The following MELK variants were observed in gnomAD, a reference collection of about 807,000 sequenced individuals.
MELK encodes pEg3 kinase.
A neutral mutation model predicts 85.0 loss-of-function variants in MELK; 81 were observed. The observed-to-expected ratio is 0.95, with a 90% confidence interval of 0.80 to 1.15. The LOEUF (loss-of-function observed/expected upper bound fraction) is 1.15. Among genes scored for constraint, MELK ranks in the 50% most tolerant of loss-of-function variants. MELK has a pLI of 0.00. For synonymous variants in MELK, 252 were observed against 265.0 expected, an observed-to-expected ratio of 0.95 and a Z score of 0.48; for missense variants, 754 against 777.5, an observed-to-expected ratio of 0.97 and a Z score of 0.36.
At chr9:36,658,917 T>C (rs1252766749) in intron 13 of MELK, among the ~76,000 whole-genome samples, 1 of 147,990 alleles carries the variant, frequency 6.8e-6, no homozygotes, top group Non-Finnish European at 1.5e-5. Context: ...AGTCTCGCTC[T>C]GTCACCCAGG....
intron 5 of MELK, 115 bp from the exon 6 acceptor site, chr9:36,597,107 G>A: frequency 1.3e-6 from 1 of 780,460 alleles, no homozygotes; most frequent in Admixed American, 2.5e-5. Context: ...AGAGTGCTGG[G>A]ATTACAGGCA....
intron 13 of MELK, among the ~76,000 whole-genome samples, chr9:36,663,604 C>A (rs1170441788): frequency 2.6e-5 from 4 of 152,172 alleles, no homozygotes; most frequent in African/African-American, 7.2e-5. Flanking sequence ...TTTTTTAGCA[C>A]CCACTTATGA....
At chr9:36,606,817 CTG>C (rs1825609083) in intron 7 of MELK, 1 of 150,684 alleles carries the variant, frequency 6.6e-6, no homozygotes, top group Non-Finnish European at 1.5e-5. Context: ...TGGAGTTTCA[CTG>C]TGTCGCCCAG....
chr9:36,606,305 A>ATACATATGTATAGGTGTGTATATAATATG (rs1825478513), intron 7 of MELK, among the ~76,000 whole-genome samples: 1 of 147,422 alleles, frequency 6.8e-6, no homozygotes, highest in Non-Finnish European at 1.5e-5. Context: ...TATATAATAT[A>ATACATATGTATAGGTGTGTATATAATATG]TACATATGTA....
intron 6 of MELK, 99 bp downstream of exon 6, chr9:36,597,389 G>A: frequency 9.1e-7 from 1 of 1,104,810 alleles, no homozygotes. Flanking sequence ...TATTGAGCTT[G>A]GTTGCATCCA....
chr9:36,591,947 T>TAG (rs1442331583), intron 4 of MELK, among the ~76,000 whole-genome samples: 2 of 150,994 alleles, frequency 1.3e-5, no homozygotes, highest in Non-Finnish European at 3.0e-5. Flanking sequence ...GTACAGGGAG[T>TAG]ATATATTAAA....
chr9:36,643,920 T>TGA (rs557775863), intron 11 of MELK, among the ~76,000 whole-genome samples: 183 of 136,708 alleles, frequency 1.3e-3, no homozygotes, highest in African/African-American at 4.7e-3. Context: ...GGCGACAGAG[T>TGA]GAGACTCCAT....
At chr9:36,640,923 T>A (rs746216095) in intron 10 of MELK, among the ~76,000 whole-genome samples, 4 of 152,242 alleles carry the variant, frequency 2.6e-5, no homozygotes, top group Non-Finnish European at 5.9e-5. Flanking sequence ...GATGGCAGCC[T>A]TTCTCTTGAG....
chr9:36,661,688 G>C (rs1831832168), intron 13 of MELK, among the ~76,000 whole-genome samples: 1 of 152,122 alleles, frequency 6.6e-6, no homozygotes, highest in South Asian at 2.1e-4. Context: ...TGTAATCCCA[G>C]CACTTTGGGA....
chr9:36,583,874 G>C (rs906994953), intron 3 of MELK, among the ~76,000 whole-genome samples, 162 bp downstream of exon 3: 2 of 152,170 alleles, frequency 1.3e-5, no homozygotes, highest in Admixed American at 6.5e-5. Context: ...TGGGGGAAGG[G>C]ATTACTTTGT....
intron 8 of MELK, among the ~76,000 whole-genome samples, chr9:36,629,599 T>C (rs1828315058): frequency 6.6e-6 from 1 of 152,236 alleles, no homozygotes; most frequent in Admixed American, 6.5e-5. Context: ...TATGCTTTTC[T>C]GCTGCTTCAT....
At chr9:36,600,418 CTG>C (rs1180455068) in intron 7 of MELK, among the ~76,000 whole-genome samples, 5 of 152,230 alleles carry the variant, frequency 3.3e-5, no homozygotes, top group Admixed American at 6.5e-5. Context: ...GAGTCTCACT[CTG>C]TTGCCCAGGC....
intron 8 of MELK, among the ~76,000 whole-genome samples, chr9:36,612,331 A>C (rs1826139940): frequency 6.6e-6 from 1 of 151,916 alleles, no homozygotes; most frequent in Non-Finnish European, 1.5e-5. Context: ...CCTGACCTCA[A>C]GTGATCCACC....
At chr9:36,643,151 G>A (rs1478637927) in intron 11 of MELK, 68 bp downstream of exon 11, 1 of 1,314,662 alleles carries the variant, frequency 7.6e-7, no homozygotes, top group African/African-American at 1.5e-5. Flanking sequence ...GGGAGGCCGA[G>A]GTGGGAGGAT....
chr9:36,578,723 T>A (rs1378351947), intron 1 of MELK, among the ~76,000 whole-genome samples: 1 of 152,224 alleles, frequency 6.6e-6, no homozygotes, highest in Non-Finnish European at 1.5e-5. Context: ...ACAGTCTGAT[T>A]ACTGGCAGGG....
intron 13 of MELK, among the ~76,000 whole-genome samples, chr9:36,660,291 C>T (rs1165964454): frequency 2.4e-4 from 36 of 152,158 alleles, no homozygotes; most frequent in Admixed American, 2.4e-3. Context: ...ACTGCTTCGG[C>T]AGCCACAATG....
intron 7 of MELK, among the ~76,000 whole-genome samples, chr9:36,600,851 A>G (rs527972962): frequency 2.0e-5 from 3 of 152,348 alleles, no homozygotes; most frequent in Non-Finnish European, 1.5e-5. Context: ...GTTACTTCAT[A>G]AAATGAGAAG....
intron 13 of MELK, among the ~76,000 whole-genome samples, chr9:36,663,851 T>C (rs1186418940): frequency 2.0e-5 from 3 of 152,238 alleles, no homozygotes; most frequent in Non-Finnish European, 2.9e-5. Flanking sequence ...GAGATAAATA[T>C]ACAAGTGCAG....
intron 8 of MELK, among the ~76,000 whole-genome samples, chr9:36,616,068 G>T (rs564229235): frequency 8.5e-5 from 13 of 152,282 alleles, no homozygotes; most frequent in Admixed American, 7.2e-4. Flanking sequence ...TTCCCGGGCG[G>T]CGCTCGCCGG....
Sources: gnomAD v4.1 joint callset for allele counts (sites outside exome capture counted in the v4.1 genomes callset) on GRCh38, gnomAD v4.1.1 for gene constraint, MANE v1.5 for transcripts, NCBI Gene and HGNC (gene_info 2026-07-23, HGNC 2026-07-21) for gene names.